The following ACYP2 variants were observed in gnomAD, a reference collection of about 807,000 sequenced individuals.
The protein encoded by ACYP2 is acylphosphatase-2.
A neutral mutation model predicts 11.2 loss-of-function variants in ACYP2; 12 were observed. The observed-to-expected ratio is 1.08, with a 90% CI of 0.69 to 1.74. ACYP2 has a LOEUF of 1.74. Among genes scored for constraint, ACYP2 ranks in the 40% most tolerant of loss-of-function variants. The pLI is 0.00. For synonymous variants in ACYP2, 43 were observed against 32.2 expected, an observed-to-expected ratio of 1.33 and a Z score of -1.13; for missense variants, 134 against 101.9, an observed-to-expected ratio of 1.31 and a Z score of -1.35.
intron 4 of ACYP2, among the ~76,000 whole-genome samples, chr2:54,073,809 A>G (rs1677187918): frequency 6.6e-6 from 1 of 152,250 alleles, no homozygotes. Flanking sequence ...CATTATTAGA[A>G]AAATAATCAA....
At chr2:54,288,092 A>G (rs913703472) in intron 6 of ACYP2, among the ~76,000 whole-genome samples, 1 of 151,870 alleles carries the variant, frequency 6.6e-6, no homozygotes, top group African/African-American at 2.4e-5. Context: ...TGTTCCCTTC[A>G]CCTTTCCTCT....
intron 1 of ACYP2, among the ~76,000 whole-genome samples, chr2:53,972,631 C>G (rs1275443523): frequency 3.3e-5 from 5 of 151,946 alleles, no homozygotes; most frequent in Non-Finnish European, 7.4e-5. Context: ...GTCACTCTGG[C>G]TTCGTCTGGA....
chr2:54,156,961 G>T (rs112245714), intron 6 of ACYP2, among the ~76,000 whole-genome samples: 5,258 of 152,158 alleles, frequency 0.035, 108 homozygotes, highest in African/African-American at 0.034. Flanking sequence ...GACCCACTGT[G>T]CCTGGTCTGA....
chr2:54,177,570 C>T (rs1683514921), intron 6 of ACYP2, among the ~76,000 whole-genome samples: 1 of 123,026 alleles, frequency 8.1e-6, no homozygotes, highest in South Asian at 2.2e-4. Flanking sequence ...AGGACTGATA[C>T]CTACTATTTT....
chr2:54,177,825 C>G (rs1468276076), intron 6 of ACYP2, among the ~76,000 whole-genome samples: 1 of 151,760 alleles, frequency 6.6e-6, no homozygotes, highest in Non-Finnish European at 1.5e-5. Context: ...ATGATTCGCC[C>G]CCACTCGGCC....
intron 6 of ACYP2, among the ~76,000 whole-genome samples, chr2:54,275,094 C>A (rs1375867119): frequency 6.6e-6 from 1 of 152,192 alleles, no homozygotes; most frequent in Non-Finnish European, 1.5e-5. Context: ...CTCCTTGCCT[C>A]AATAACTTTG....
intron 4 of ACYP2, among the ~76,000 whole-genome samples, chr2:54,130,145 A>T (rs1370178267): frequency 6.6e-6 from 1 of 152,208 alleles, no homozygotes; most frequent in East Asian, 1.9e-4. Flanking sequence ...TAAACAATGT[A>T]TGTGCAAGAA....
At chr2:53,986,459 C>A (rs1477587727) in intron 2 of ACYP2, among the ~76,000 whole-genome samples, 1 of 151,694 alleles carries the variant, frequency 6.6e-6, no homozygotes, top group African/African-American at 2.4e-5. Flanking sequence ...GCCTCAGTCT[C>A]CTGAGTAGCT....
intron 6 of ACYP2, among the ~76,000 whole-genome samples, chr2:54,274,245 G>C (rs1040886239): frequency 6.6e-6 from 1 of 152,136 alleles, no homozygotes; most frequent in South Asian, 2.1e-4. Context: ...ATCAGATCTC[G>C]TGAGACTTAC....
intron 6 of ACYP2, among the ~76,000 whole-genome samples, chr2:54,269,498 T>C (rs1265352263): frequency 4.6e-5 from 7 of 152,156 alleles, no homozygotes; most frequent in Admixed American, 4.6e-4. Flanking sequence ...TAAGGCCCCA[T>C]AGACAAAGGT....
chr2:54,261,514 T>C (rs1006622520), intron 6 of ACYP2, among the ~76,000 whole-genome samples: 6 of 152,192 alleles, frequency 3.9e-5, no homozygotes, highest in Non-Finnish European at 8.8e-5. Context: ...AGTGTTTAAA[T>C]TCTCTGGGAA....
intron 6 of ACYP2, among the ~76,000 whole-genome samples, chr2:54,170,856 AG>A (rs1195954902): frequency 1.3e-5 from 2 of 152,284 alleles, no homozygotes; most frequent in African/African-American, 4.8e-5. Flanking sequence ...AGGGTCTGTT[AG>A]CATCCATCTG....
intron 6 of ACYP2, among the ~76,000 whole-genome samples, chr2:54,299,698 C>G (rs1689650796): frequency 6.6e-6 from 1 of 152,054 alleles, no homozygotes; most frequent in Non-Finnish European, 1.5e-5. Flanking sequence ...GAGGCTCACA[C>G]TCCTTCACCC....
At chr2:54,221,333 T>C (rs968776079) in intron 6 of ACYP2, among the ~76,000 whole-genome samples, 1 of 152,216 alleles carries the variant, frequency 6.6e-6, no homozygotes, top group Non-Finnish European at 1.5e-5. Context: ...CTGACTGATA[T>C]GACCATTACT....
chr2:54,119,769 A>C (rs1486588539), intron 4 of ACYP2, among the ~76,000 whole-genome samples: 7 of 152,292 alleles, frequency 4.6e-5, no homozygotes, highest in African/African-American at 1.7e-4. Flanking sequence ...TAAAGTCCTT[A>C]CTTTTTTCAA....
chr2:53,997,393 C>T (rs1672621433), intron 2 of ACYP2, among the ~76,000 whole-genome samples: 1 of 152,172 alleles, frequency 6.6e-6, no homozygotes, highest in African/African-American at 2.4e-5. Flanking sequence ...ACAACCTCTG[C>T]CTTCCGGCTT....
At chr2:54,096,682 A>C in intron 4 of ACYP2, among the ~76,000 whole-genome samples, 1 of 152,104 alleles carries the variant, frequency 6.6e-6, no homozygotes, top group Non-Finnish European at 1.5e-5. Context: ...AAAATACGAA[A>C]ACCAGTCAGG....
intron 6 of ACYP2, among the ~76,000 whole-genome samples, chr2:54,175,363 G>T (rs941104446): frequency 1.3e-5 from 2 of 152,082 alleles, no homozygotes; most frequent in Non-Finnish European, 2.9e-5. Flanking sequence ...ATTTCTGTGG[G>T]ATCGGTGGTG....
chr2:54,067,609 A>C (rs1399143814), intron 4 of ACYP2, among the ~76,000 whole-genome samples: 1 of 152,250 alleles, frequency 6.6e-6, no homozygotes, highest in African/African-American at 2.4e-5. Flanking sequence ...CCTAGAACTC[A>C]GTCTAGCAAA....
Sources: allele counts gnomAD v4.1 joint callset (sites outside exome capture counted in the v4.1 genomes callset), GRCh38; gene constraint gnomAD v4.1.1; transcripts MANE v1.5; gene names NCBI Gene and HGNC (gene_info 2026-07-23, HGNC 2026-07-21).